The following NRG1 variants were observed in gnomAD, a reference collection of about 807,000 sequenced individuals.
NRG1 encodes the protein pro-neuregulin-1, membrane-bound isoform.
NRG1 carries 18 observed loss-of-function variants against 63.8 expected under a neutral mutation model. The ratio of observed to expected loss-of-function variants is 0.28; its 90% confidence interval spans 0.19 to 0.42. The LOEUF (loss-of-function observed/expected upper bound fraction) is 0.42, where lower values mean the gene tolerates loss of function less well. Ranked by LOEUF, NRG1 falls within the 10% of genes least tolerant of loss-of-function variation. The pLI, the probability that NRG1 is intolerant of heterozygous loss-of-function variation, is 1.00. For synonymous variants in NRG1, 302 were observed against 301.3 expected, an observed-to-expected ratio of 1.00 and a Z score of -0.02; for missense variants, 762 against 814.7, an observed-to-expected ratio of 0.94 and a Z score of 0.79.
chr8:32,309,303 G>T (rs1466289806), intron 1 of NRG1, among the ~76,000 whole-genome samples: 1 of 152,088 alleles, frequency 6.6e-6, no homozygotes, highest in Non-Finnish European at 1.5e-5. Flanking sequence ...TTATGTGCCT[G>T]TGGTTTTACA....
At chr8:32,287,708 G>A (rs1205667748) in intron 1 of NRG1, 2 of 152,144 alleles carry the variant, frequency 1.3e-5, no homozygotes, top group Non-Finnish European at 2.9e-5. Context: ...GAAAAATAGA[G>A]TCAGTCAGAA....
chr8:31,828,661 A>G (rs1049361477), intron 1 of NRG1, among the ~76,000 whole-genome samples: 3 of 152,132 alleles, frequency 2.0e-5, no homozygotes, highest in Non-Finnish European at 4.4e-5. Flanking sequence ...CCTGTTGCCA[A>G]ATTTTGACCT....
chr8:32,346,219 A>G (rs919018295), intron 1 of NRG1, among the ~76,000 whole-genome samples: 1 of 147,904 alleles, frequency 6.8e-6, no homozygotes, highest in African/African-American at 2.5e-5. Flanking sequence ...ATAGATATAT[A>G]GATGGATAAT....
In NRG1 at chr8:32,742,880, AG is replaced by A; in HGVS notation, c.691+148del. 2 of 1,558,206 alleles carry A rather than the reference AG, an allele frequency of 1.3e-6. No individual in the cohort carries two copies. The highest frequency in any genetic ancestry group is 1.7e-6 in the Non-Finnish European group (2 of 1,148,930). ...ATTGACTGCCTCTGCCTGTCGCATGAGAACATTAACAAAAGCAATTGTATTA... is the reference window on the plus strand; with the variant it reads ...ATTGACTGCCTCTGCCTGTCGCATGAAACATTAACAAAAGCAATTGTATTA... On this transcript the variant is annotated intron_variant, in intron 7 of 11. Coordinates refer to ENST00000356819, the Ensembl canonical transcript of NRG1. This position sits in a 1 kb window ranked among gnomAD's most constrained non-coding sequence, Gnocchi z 4.2.
chr8:31,885,803 A>G (rs1322024981), intron 1 of NRG1, among the ~76,000 whole-genome samples: 1 of 152,094 alleles, frequency 6.6e-6, no homozygotes, highest in East Asian at 1.9e-4. Context: ...GAAGAAATAC[A>G]TGTAGGAAGC....
chr8:32,474,041 T>C lies in NRG1; in HGVS notation c.38-121787T>C, dbSNP rs371419195. On this transcript the variant is annotated intron_variant, in intron 1 of 10. Coordinates refer to the NRG1 transcript ENST00000519301. ...ATCCCTGGACACAACCCCATTGAGATACCCTTCCATTTAATACTTTTCTTA... is the reference window on the plus strand; with the variant it reads ...ATCCCTGGACACAACCCCATTGAGACACCCTTCCATTTAATACTTTTCTTA... Among the ~76,000 whole-genome samples, 199 of 152,310 alleles carry C rather than the reference T, an allele frequency of 1.3e-3. 3 individuals are homozygous for C. The South Asian group carries it at 0.022, about 17-fold the overall frequency.
intron 1 of NRG1, among the ~76,000 whole-genome samples, chr8:32,172,160 C>T (rs190801438): frequency 1.2e-3 from 187 of 152,264 alleles, no homozygotes; most frequent in East Asian, 8.9e-3. Flanking sequence ...TCCAGAGGAG[C>T]GATCAGGCAG....
At chr8:32,468,911 C>A (rs756512859) in intron 1 of NRG1, among the ~76,000 whole-genome samples, 9 of 152,086 alleles carry the variant, frequency 5.9e-5, no homozygotes, top group Non-Finnish European at 1.3e-4. Flanking sequence ...TTGAGAAAGT[C>A]ATTTATTCAT....
At chr8:32,324,159 C>T (rs540572360) in intron 1 of NRG1, among the ~76,000 whole-genome samples, 5 of 152,130 alleles carry the variant, frequency 3.3e-5, no homozygotes, top group African/African-American at 1.2e-4. Flanking sequence ...TATCTTCAGG[C>T]ACACTGTTTG....
chr8:31,819,019 A>C (rs1273471278), intron 1 of NRG1, among the ~76,000 whole-genome samples: 1 of 152,124 alleles, frequency 6.6e-6, no homozygotes, highest in Non-Finnish European at 1.5e-5. Flanking sequence ...GCGCCACTGC[A>C]CTCCAGCCCG....
chr8:32,136,134 C>T (rs963705456), intron 1 of NRG1, among the ~76,000 whole-genome samples: 27 of 152,056 alleles, frequency 1.8e-4, no homozygotes, highest in African/African-American at 6.3e-4. Context: ...GATACAGTGG[C>T]CTGTTCCAGA....
intron 1 of NRG1, among the ~76,000 whole-genome samples, chr8:32,103,007 T>A (rs533053136): frequency 6.6e-6 from 1 of 152,184 alleles, no homozygotes; most frequent in Non-Finnish European, 1.5e-5. Flanking sequence ...AAATGGGGTA[T>A]CCATCTCCTC....
At chr8:32,192,444 A>C (rs1842583384) in intron 1 of NRG1, among the ~76,000 whole-genome samples, 1 of 152,184 alleles carries the variant, frequency 6.6e-6, no homozygotes. Flanking sequence ...TTGCAGCAAC[A>C]TGAATGTAGT....
intron 1 of NRG1, among the ~76,000 whole-genome samples, chr8:32,211,673 A>C (rs1844715198): frequency 6.6e-6 from 1 of 152,048 alleles, no homozygotes; most frequent in Admixed American, 6.6e-5. Flanking sequence ...CCATATTTTT[A>C]TTTATGTTTA....
chr8:31,748,694 A>C (rs985200270), intron 1 of NRG1, among the ~76,000 whole-genome samples: 1 of 151,872 alleles, frequency 6.6e-6, no homozygotes, highest in Admixed American at 6.6e-5. Flanking sequence ...AAAATTTTGT[A>C]ATAGGTTGAA....
At chr8:31,924,676 A>G (rs531854984) in intron 1 of NRG1, among the ~76,000 whole-genome samples, 1 of 121,252 alleles carries the variant, frequency 8.2e-6, no homozygotes, top group East Asian at 2.2e-4. Flanking sequence ...TTCTTTTTTG[A>G]CTTTTTGAAT....
chr8:31,711,813 G>A (rs577922215), intron 1 of NRG1, among the ~76,000 whole-genome samples: 32 of 152,264 alleles, frequency 2.1e-4, no homozygotes, highest in African/African-American at 7.7e-4. Flanking sequence ...CTGGTTCATA[G>A]ATTCTGTCTT....
At chr8:32,444,072 T>A (rs1171206952) in intron 1 of NRG1, among the ~76,000 whole-genome samples, 1 of 146,326 alleles carries the variant, frequency 6.8e-6, no homozygotes, top group Admixed American at 6.7e-5. Context: ...CTCTTTCTCT[T>A]CCCTCCCTCC....
chr8:32,658,633 C>G (rs16879689), intron 5 of NRG1, among the ~76,000 whole-genome samples: 46,354 of 151,828 alleles, frequency 0.31, 7,398 homozygotes, highest in East Asian at 0.36. Flanking sequence ...GAGAGACAAG[C>G]CCAAAGATGT....
Sources: gnomAD v4.1 joint callset for allele counts (sites outside exome capture counted in the v4.1 genomes callset) on GRCh38, gnomAD v4.1.1 for gene constraint, Gnocchi (gnomAD v3.1) non-coding constraint, MANE v1.5 for transcripts, NCBI Gene and HGNC (gene_info 2026-07-23, HGNC 2026-07-21) for gene names.